Variants in GRIN2A observed in about 807,000 individuals in gnomAD.
The protein encoded by GRIN2A is glutamate ionotropic receptor NMDA type subunit 2A, also known as glutamate receptor ionotropic, NMDA 2A.
In GRIN2A, 22 loss-of-function variants were observed where a neutral mutation model predicts 113.4. The ratio of observed to expected loss-of-function variants is 0.19; its 90% CI spans 0.14 to 0.28. GRIN2A has a LOEUF of 0.28. Among genes scored for constraint, GRIN2A ranks in the 10% least tolerant of loss-of-function variants. The pLI, the probability that GRIN2A is intolerant of heterozygous loss-of-function variation, is 1.00. For synonymous variants in GRIN2A, 827 were observed against 738.4 expected (o/e 1.12, Z -1.94); for missense variants, 1,502 against 1,887.0 (o/e 0.80, Z 3.78).
At chr16:10,071,971 A>C (rs2047761770) in intron 2 of GRIN2A, among the ~76,000 whole-genome samples, 1 of 152,232 alleles carries the variant, frequency 6.6e-6, no homozygotes, top group African/African-American at 2.4e-5. Flanking sequence ...TAGAGCTAAA[A>C]TTCAAACCAG....
At position 9,763,968 on chromosome 16, in the gene GRIN2A, G is replaced by C. The variant is rs768172880; in HGVS notation, c.3576C>G (p.Thr1192=). ...DQYKLYSKHF[T]LKDKGSPHSE... ...TGTGCGGGGAACCCTTGTCTTTCAAGGTGAAGTGCTTGGAGTAGAGTTTAT... is the reference window on the plus strand; with the variant it reads ...TGTGCGGGGAACCCTTGTCTTTCAACGTGAAGTGCTTGGAGTAGAGTTTAT... Residue 1192 remains threonine, a synonymous_variant, in exon 13 of 13, where the codon ACC becomes ACG. Transcript: ENST00000330684. 6.2e-7 allele frequency: 1 copy of C among 1,614,162 alleles called. No individual in the cohort carries two copies. The highest frequency in any genetic ancestry group is 8.5e-7 in the Non-Finnish European group (1 of 1,180,012).
At chr16:9,822,124 C>T (rs2042296425) in intron 10 of GRIN2A, 140 bp downstream of exon 10, 2 of 921,112 alleles carry the variant, frequency 2.2e-6, no homozygotes, top group Non-Finnish European at 3.6e-6. Flanking sequence ...AAAAACTGCC[C>T]TCAACTGGGG....
Position 9,758,795 on chromosome 16 carries a change from G to C in GRIN2A, c.*4354C>G, listed in dbSNP as rs1262295884. Reference sequence around the variant, plus strand: ...ACTGCATATTGGGAGAACTTTTCAAGTATAGACCCCACAGCACTTTCAACC... The same window carrying C: ...ACTGCATATTGGGAGAACTTTTCAACTATAGACCCCACAGCACTTTCAACC... On this transcript the variant is annotated 3_prime_UTR_variant, in exon 13 of 13. Transcript: ENST00000330684. The C allele has an allele frequency of 1.9e-5, 4 of 213,546 alleles. No individual in the cohort carries two copies. 13.2% of individuals were successfully genotyped at this position (213,546 alleles called of 1,614,324 possible).
At chr16:9,990,213 G>C (rs1386639868) in intron 2 of GRIN2A, among the ~76,000 whole-genome samples, 1 of 152,150 alleles carries the variant, frequency 6.6e-6, no homozygotes, top group African/African-American at 2.4e-5. Context: ...AAAAAAGAGT[G>C]AAATCATGTC....
intron 2 of GRIN2A, among the ~76,000 whole-genome samples, chr16:10,026,580 C>CTG (rs2046827044): frequency 7.2e-6 from 1 of 138,548 alleles, no homozygotes; most frequent in Admixed American, 6.9e-5. Context: ...TCATCTCTAA[C>CTG]TCTCCCTTTC....
chr16:9,875,631 C>A (rs2043349335), intron 4 of GRIN2A, among the ~76,000 whole-genome samples: 1 of 152,142 alleles, frequency 6.6e-6, no homozygotes, highest in Non-Finnish European at 1.5e-5. Flanking sequence ...GAGAAGCAGG[C>A]CCAGACAGCA....
At chr16:9,812,919 C>G (rs933633517) in intron 10 of GRIN2A, among the ~76,000 whole-genome samples, 2 of 152,148 alleles carry the variant, frequency 1.3e-5, no homozygotes, top group African/African-American at 4.8e-5. Context: ...GCATTAAGCT[C>G]TGAATTGTGC....
At chr16:9,906,810 C>T (rs74008891) in intron 3 of GRIN2A, among the ~76,000 whole-genome samples, 8,961 of 152,250 alleles carry the variant, frequency 0.059, 886 homozygotes, top group African/African-American at 0.2. Context: ...CAAGAATTTA[C>T]TTTCTCTCAG....
intron 2 of GRIN2A, among the ~76,000 whole-genome samples, chr16:10,102,817 T>A (rs1201523328): frequency 3.9e-5 from 6 of 152,176 alleles, no homozygotes; most frequent in Non-Finnish European, 5.9e-5. Context: ...AGAGCTAGGA[T>A]TCAAACTTAG....
At chr16:9,996,166 A>G (rs759982130) in intron 2 of GRIN2A, among the ~76,000 whole-genome samples, 5 of 152,100 alleles carry the variant, frequency 3.3e-5, no homozygotes, top group Non-Finnish European at 7.4e-5. Flanking sequence ...AGAATGGGAT[A>G]AGTTGAATGT....
intron 11 of GRIN2A, among the ~76,000 whole-genome samples, chr16:9,781,782 A>G (rs970476218): frequency 6.6e-6 from 1 of 152,232 alleles, no homozygotes; most frequent in Non-Finnish European, 1.5e-5. Flanking sequence ...AAGAAAAAAG[A>G]AATAGGCATG....
At chr16:9,863,875 C>T (rs1262955792) in intron 4 of GRIN2A, among the ~76,000 whole-genome samples, 6 of 152,150 alleles carry the variant, frequency 3.9e-5, no homozygotes, top group Non-Finnish European at 7.3e-5. Context: ...TAAGGGGCTG[C>T]TTCTTGGAGG....
At chr16:10,057,101 C>A (rs553620186) in intron 2 of GRIN2A, among the ~76,000 whole-genome samples, 2 of 151,768 alleles carry the variant, frequency 1.3e-5, no homozygotes, top group South Asian at 2.1e-4. Flanking sequence ...ATCCATCTAT[C>A]CACCCATCCA....
At chr16:9,968,547 AG>A (rs2045607000) in intron 2 of GRIN2A, among the ~76,000 whole-genome samples, 1 of 152,120 alleles carries the variant, frequency 6.6e-6, no homozygotes, top group African/African-American at 2.4e-5. Context: ...TCCTGACCTC[AG>A]GTGATCCACC....
chr16:9,937,148 T>G (rs2044732204), intron 3 of GRIN2A, among the ~76,000 whole-genome samples: 1 of 152,132 alleles, frequency 6.6e-6, no homozygotes, highest in Admixed American at 6.5e-5. Context: ...TTTACCCTGA[T>G]GTGATTATCA....
At chr16:10,031,863 T>C (rs981615596) in intron 2 of GRIN2A, among the ~76,000 whole-genome samples, 3 of 152,206 alleles carry the variant, frequency 2.0e-5, no homozygotes, top group African/African-American at 4.8e-5. Context: ...CAGGCAATTT[T>C]TTTCAGACCA....
At chr16:10,008,525 C>T (rs2046446009) in intron 2 of GRIN2A, among the ~76,000 whole-genome samples, 1 of 152,184 alleles carries the variant, frequency 6.6e-6, no homozygotes, top group Non-Finnish European at 1.5e-5. Context: ...CCCATGAGCA[C>T]TGTGATTCTT....
chr16:10,021,884 ACT>A (rs760386939), intron 2 of GRIN2A, among the ~76,000 whole-genome samples: 3 of 151,354 alleles, frequency 2.0e-5, no homozygotes, highest in African/African-American at 7.3e-5. Context: ...TTCTCAGTGG[ACT>A]CTCTGCCCCC....
rs2042847336 is a variant in GRIN2A at position 9,849,749 on chromosome 16, C to A, written c.1328+7G>T. ...CACGTTCAGGTGACAGCATTCCTGC[C>A]ACTCACTTGATTTTGACGAACTTCC... On this transcript the variant is annotated splice_region_variant and intron_variant, in intron 5 of 12. Transcript: ENST00000330684. 1 of 1,610,022 alleles carries A rather than the reference C, an allele frequency of 6.2e-7. No individual in the cohort carries two copies. The highest frequency in any genetic ancestry group is 8.5e-7 in the Non-Finnish European group (1 of 1,176,308).
Sources: gnomAD v4.1 joint callset for allele counts (sites outside exome capture counted in the v4.1 genomes callset) on GRCh38, gnomAD v4.1.1 for gene constraint, MANE v1.5 for transcripts, NCBI Gene and HGNC (gene_info 2026-07-23, HGNC 2026-07-21) for gene names.